PRKACB: variants seen among roughly 807,000 people sequenced by gnomAD.
PRKACB encodes the protein protein kinase cAMP-activated catalytic subunit beta, also known as cAMP-dependent protein kinase catalytic subunit beta.
A neutral mutation model predicts 51.4 loss-of-function variants in PRKACB; 16 were observed. The ratio of observed to expected loss-of-function variants is 0.31; its 90% confidence interval spans 0.21 to 0.47. The LOEUF is 0.47. PRKACB is among the 20% of genes least tolerant of loss of function. The pLI, the probability that PRKACB is intolerant of heterozygous loss-of-function variation, is 1.00. For missense variants in PRKACB, 309 were observed against 464.5 expected (o/e 0.67, Z 3.08); for synonymous variants, 147 against 154.4 (o/e 0.95, Z 0.35).
At chr1:84,216,340 A>G (rs1442321635) in intron 9 of PRKACB, among the ~76,000 whole-genome samples, 1 of 152,100 alleles carries the variant, frequency 6.6e-6, no homozygotes. Context: ...CCCCGTCTCA[A>G]AGAAATAAAT....
intron 1 of PRKACB, among the ~76,000 whole-genome samples, chr1:84,126,398 G>A (rs146750930): frequency 8.7e-4 from 133 of 152,234 alleles, no homozygotes; most frequent in East Asian, 3.5e-3. Context: ...GAGTTCAGCC[G>A]TCCCCTGTGG....
intron 1 of PRKACB, among the ~76,000 whole-genome samples, chr1:84,099,889 A>G (rs1649202621): frequency 6.6e-6 from 1 of 152,172 alleles, no homozygotes. Context: ...AGCATGGTCT[A>G]TATAGATTAG....
At chr1:84,096,567 C>T (rs189118448) in intron 1 of PRKACB, among the ~76,000 whole-genome samples, 2 of 152,218 alleles carry the variant, frequency 1.3e-5, no homozygotes, top group East Asian at 3.9e-4. Flanking sequence ...GAATCTTGAT[C>T]TCTAATCATT....
chr1:84,081,448 T>G (rs1489108085), intron 1 of PRKACB, among the ~76,000 whole-genome samples: 1 of 152,208 alleles, frequency 6.6e-6, no homozygotes, highest in Non-Finnish European at 1.5e-5. Flanking sequence ...AAAGAATAAC[T>G]GGTACTATTA....
intron 1 of PRKACB, chr1:84,164,604 G>A (rs572574365): frequency 4.4e-6 from 6 of 1,364,152 alleles, no homozygotes; most frequent in Admixed American, 2.7e-5. Context: ...CAAGTGAACC[G>A]ATAATTCTGG....
At chr1:84,148,812 TG>T (rs1270805194) in intron 1 of PRKACB, among the ~76,000 whole-genome samples, 1 of 152,208 alleles carries the variant, frequency 6.6e-6, no homozygotes, top group African/African-American at 2.4e-5. Context: ...AATCATTCCA[TG>T]AGCCATTTAG....
At chr1:84,085,926 T>G (rs1647940273) in intron 1 of PRKACB, 1 of 674,166 alleles carries the variant, frequency 1.5e-6, no homozygotes, top group African/African-American at 1.8e-5. Context: ...CAATGACCAT[T>G]AATATCCAGG....
intron 9 of PRKACB, among the ~76,000 whole-genome samples, chr1:84,232,487 G>A (rs543207207): frequency 6.6e-6 from 1 of 152,248 alleles, no homozygotes; most frequent in East Asian, 1.9e-4. Context: ...CTGTCTCATT[G>A]ATCTGTCTAA....
intron 1 of PRKACB, among the ~76,000 whole-genome samples, chr1:84,081,885 G>A (rs913290933): frequency 4.6e-5 from 7 of 152,134 alleles, no homozygotes; most frequent in Admixed American, 2.0e-4. Context: ...CCTAGTGTTC[G>A]CATATGATCT....
At chr1:84,186,713 C>T (rs1011176306) in intron 5 of PRKACB, among the ~76,000 whole-genome samples, 2 of 152,076 alleles carry the variant, frequency 1.3e-5, no homozygotes, top group Admixed American at 6.6e-5. Flanking sequence ...CCTTGGTGCT[C>T]GGATGGACTT....
chr1:84,196,772 A>G (rs368559694), intron 6 of PRKACB, 30 bp downstream of exon 6: 4 of 1,578,850 alleles, frequency 2.5e-6, no homozygotes, highest in South Asian at 1.2e-5. Context: ...TGTGTACTGT[A>G]TATGAGAAAA....
At chr1:84,198,293 T>C (rs544971233) in intron 7 of PRKACB, among the ~76,000 whole-genome samples, 1 of 152,278 alleles carries the variant, frequency 6.6e-6, no homozygotes, top group African/African-American at 2.4e-5. Context: ...GTTTTAGTCT[T>C]ATTGAAGGCA....
At chr1:84,111,245 G>T (rs1314173230) in intron 1 of PRKACB, among the ~76,000 whole-genome samples, 2 of 151,958 alleles carry the variant, frequency 1.3e-5, no homozygotes, top group Non-Finnish European at 2.9e-5. Flanking sequence ...ATAAGACTTT[G>T]TTATTACTAT....
chr1:84,230,841 A>G (rs1290249276), intron 9 of PRKACB, among the ~76,000 whole-genome samples: 3 of 145,632 alleles, frequency 2.1e-5, no homozygotes, highest in African/African-American at 5.3e-5. Flanking sequence ...GGCTGAGACA[A>G]TGGGGTTTTC....
intron 1 of PRKACB, among the ~76,000 whole-genome samples, chr1:84,165,797 G>A (rs1657247079): frequency 6.6e-6 from 1 of 151,736 alleles, no homozygotes; most frequent in Non-Finnish European, 1.5e-5. Context: ...AAAAACATTT[G>A]CTTAGAGCAT....
At chr1:84,100,065 T>A (rs1649216266) in intron 1 of PRKACB, among the ~76,000 whole-genome samples, 1 of 152,204 alleles carries the variant, frequency 6.6e-6, no homozygotes, top group South Asian at 2.1e-4. Context: ...GAAAGAGGTT[T>A]TATTGACTCA....
chr1:84,183,353 T>G (rs956983746), intron 3 of PRKACB, among the ~76,000 whole-genome samples: 20 of 151,984 alleles, frequency 1.3e-4, no homozygotes, highest in Admixed American at 1.1e-3. Flanking sequence ...GAAGCTTAAG[T>G]CTAAATGACC....
intron 5 of PRKACB, among the ~76,000 whole-genome samples, chr1:84,192,865 T>G (rs569499226): frequency 6.6e-6 from 1 of 152,302 alleles, no homozygotes; most frequent in South Asian, 2.1e-4. Flanking sequence ...AGAGCCTATT[T>G]TTAACTAAAT....
In PRKACB at chr1:84,221,020, A is replaced by G. The variant is rs548366571; in HGVS notation, c.1071+6703A>G. ...GAATAGTTTGAGATGAATTGATGCT[A>G]GTTCTTCTTTATAAGGTTGATAGAA... On this transcript the variant is annotated intron_variant, in intron 9 of 9. Coordinates refer to ENST00000370685, the MANE Select transcript of PRKACB (RefSeq NM_182948.4). 2.2e-3 allele frequency among the ~76,000 whole-genome samples: 328 copies of G among 152,236 alleles called. 1 individual carries two copies. Among genetic ancestry groups the G allele is most frequent in the African/African-American group, 7.6e-3 (316 of 41,578 alleles).
Sources: allele counts gnomAD v4.1 joint callset (sites outside exome capture counted in the v4.1 genomes callset), GRCh38; gene constraint gnomAD v4.1.1; transcripts MANE v1.5; gene names NCBI Gene and HGNC (gene_info 2026-07-23, HGNC 2026-07-21).